The following NPAS1 variants were observed in gnomAD, a reference collection of about 807,000 sequenced individuals.
NPAS1 encodes neuronal PAS domain-containing protein 1.
NPAS1 carries 29 observed loss-of-function variants against 49.2 expected under a neutral mutation model. The ratio of observed to expected loss-of-function variants is 0.59; its 90% CI spans 0.44 to 0.80. NPAS1 has a LOEUF of 0.80. NPAS1 is among the 30% of genes least tolerant of loss of function. The pLI, the probability that NPAS1 is intolerant of heterozygous loss-of-function variation, is 0.00. For missense variants in NPAS1, 825 were observed against 835.5 expected (o/e 0.99, Z 0.15); for synonymous variants, 408 against 380.4 (o/e 1.07, Z -0.84).
chr19:47,021,575 G>GGGCCCCGC lies in NPAS1; in HGVS notation c.123-36_123-29dup. 7.2e-7 allele frequency: 1 copy of GGGCCCCGC among 1,387,058 alleles called. No homozygotes were observed. Among genetic ancestry groups the GGGCCCCGC allele is most frequent in the Non-Finnish European group, 9.4e-7 (1 of 1,058,358 alleles). 85.9% of individuals were successfully genotyped at this position (1,387,058 alleles called of 1,614,324 possible). A position where few individuals can be genotyped will look rare whatever the true frequency, so the allele number is the denominator to read the frequency against. Reference sequence around the variant, plus strand: ...CCAGTTCCCAAGCCCCTGAGCCCCGGGGCCCCGCCGACACCTCCTCCGCGC... The same window carrying GGGCCCCGC: ...CCAGTTCCCAAGCCCCTGAGCCCCGGGGCCCCGCGGCCCCGCCGACACCTCCTCCGCGC... On this transcript the variant is annotated intron_variant, in intron 2 of 11. Coordinates refer to ENST00000602212, the MANE Select transcript of NPAS1 (RefSeq NM_002517.4). The surrounding 1 kb of genome is among the most constrained non-coding windows in gnomAD (Gnocchi z 5.7).
chr19:47,045,044 AACAAAAACAAAAC>A, intron 11 of NPAS1, 134 bp from the exon 12 acceptor site: 1 of 839,520 alleles, frequency 1.2e-6, no homozygotes, highest in Non-Finnish European at 1.8e-6. Context: ...AAAAACAAAA[AACAAAAACAAAAC>A]AAACAAACAA....
Position 47,042,991 on chromosome 19 carries a change from T to C in NPAS1, c.1312+87T>C, listed in dbSNP as rs1021876488. On this transcript the variant is annotated intron_variant, in intron 11 of 11. Coordinates refer to ENST00000602212, the MANE Select transcript of NPAS1 (RefSeq NM_002517.4). ...TCCATTCCAGAAGCCACTAGCCACA[T>C]GCAGCCATTTATATACAATTAAAAT... 22 of 994,194 alleles carry C rather than the reference T, an allele frequency of 2.2e-5. No homozygotes were observed. The African/African-American group carries it at 2.9e-4, about 13-fold the overall frequency. 61.6% of individuals were successfully genotyped at this position (994,194 alleles called of 1,614,324 possible). A position where few individuals can be genotyped will look rare whatever the true frequency, so the allele number is the denominator to read the frequency against.
intron 6 of NPAS1, among the ~76,000 whole-genome samples, chr19:47,037,500 G>C (rs184796469): frequency 6.6e-5 from 10 of 152,118 alleles, no homozygotes; most frequent in African/African-American, 2.4e-4. Context: ...TGATTGAGTT[G>C]GATTCTAGCC....
intron 8 of NPAS1, among the ~76,000 whole-genome samples, chr19:47,039,949 C>T (rs1351784049): frequency 6.6e-6 from 1 of 152,168 alleles, no homozygotes; most frequent in East Asian, 1.9e-4. Context: ...TCTGAGGTGT[C>T]CAGGGTGCCT....
chr19:47,040,753 GGGGGCTGT>G, intron 9 of NPAS1: 1 of 598,082 alleles, frequency 1.7e-6, no homozygotes, highest in Non-Finnish European at 2.9e-6. Flanking sequence ...GGGGGGTCTG[GGGGGCTGT>G]GGGGTCTCCA....
intron 5 of NPAS1, among the ~76,000 whole-genome samples, chr19:47,035,064 C>T (rs2056938469): frequency 6.6e-6 from 1 of 152,018 alleles, no homozygotes; most frequent in South Asian, 2.1e-4. Context: ...GCCTGTAATC[C>T]CAGCTTCTTG....
rs753780534 is a variant in NPAS1 at position 47,040,442 on chromosome 19, A to C, written c.963-2A>C. ...CCTCCCCTCTTCTCTGTCACCCCCC[A>C]GAGTCAGCGACCACATGGACCTGGG... On this transcript the variant is annotated splice_acceptor_variant, in intron 8 of 11. Transcript: ENST00000602212. LOFTEE classifies it high-confidence loss of function. The C allele has an allele frequency of 2.0e-5, 32 of 1,584,258 alleles. No homozygotes were observed. Among genetic ancestry groups the C allele is most frequent in the Non-Finnish European group, 2.4e-5 (28 of 1,165,124 alleles).
chr19:47,042,599 C>G (rs987824512), intron 10 of NPAS1, among the ~76,000 whole-genome samples: 1 of 152,318 alleles, frequency 6.6e-6, no homozygotes, highest in South Asian at 2.1e-4. Context: ...CACCGGCTAT[C>G]CAGGTCTGGC....
chr19:47,032,788 C>G (rs570244384), intron 5 of NPAS1, 56 bp downstream of exon 5: 2 of 1,226,834 alleles, frequency 1.6e-6, no homozygotes, highest in African/African-American at 3.0e-5. Flanking sequence ...CTTGCCAGGC[C>G]TATGCATATC....
At chr19:47,024,193 G>A (rs1157079213) in intron 3 of NPAS1, among the ~76,000 whole-genome samples, 1 of 152,096 alleles carries the variant, frequency 6.6e-6, no homozygotes, top group Non-Finnish European at 1.5e-5. Flanking sequence ...AGGATGAGGT[G>A]GGAGGACTGC....
intron 3 of NPAS1, among the ~76,000 whole-genome samples, chr19:47,024,867 T>C (rs534041340): frequency 6.7e-6 from 1 of 149,568 alleles, no homozygotes; most frequent in East Asian, 2.0e-4. Flanking sequence ...TGGAGTGCAG[T>C]GTTGCAATCT....
intron 11 of NPAS1, 103 bp downstream of exon 11, chr19:47,043,007 CAATTAA>C (rs1418029144): frequency 1.3e-5 from 11 of 876,646 alleles, no homozygotes; most frequent in African/African-American, 3.5e-5. Flanking sequence ...CATTTATATA[CAATTAA>C]AATTAAAATC....
chr19:47,036,003 C>A lies in NPAS1; in HGVS notation c.562C>A (p.Pro188Thr). The A allele has an allele frequency of 6.3e-7, 1 of 1,579,836 alleles. No homozygotes were observed. Among genetic ancestry groups the A allele is most frequent in the East Asian group, 2.3e-5 (1 of 44,378 alleles). Residue 188 changes from proline to threonine, a missense_variant, in exon 6 of 12, where the codon CCT (proline) becomes ACT (threonine). Coordinates refer to ENST00000602212, the MANE Select transcript of NPAS1 (RefSeq NM_002517.4). The part of the protein sequence containing the change: ...TGSSVFDYIH[P>T]GDHSEVLEQL... ...CAGCAGCGTCTTCGACTACATTCACCCTGGGGACCACTCAGAGGTGCTGGA... is the reference window on the plus strand; with the variant it reads ...CAGCAGCGTCTTCGACTACATTCACACTGGGGACCACTCAGAGGTGCTGGA...
Position 47,039,440 on chromosome 19 carries a change from G to A in NPAS1, c.838G>A (p.Ala280Thr), listed in dbSNP as rs746002730. ...CGTGACTGGGCGCCTTCGGGCCCAC[G>A]CCCTGGGCCTTGTGGCCCTCGGGCA... ...IHVTGRLRAHALGLVALGHTL... is the reference protein window; with the variant it reads ...IHVTGRLRAHTLGLVALGHTL... The change falls in exon 8 of 12, where the codon GCC (alanine) becomes ACC (threonine). Residue 280 changes from alanine (A) to threonine (T), a missense_variant. Transcript: ENST00000602212. 2.5e-5 allele frequency: 40 copies of A among 1,611,802 alleles called. No individual in the cohort carries two copies. The highest frequency in any genetic ancestry group is 2.8e-5 in the Non-Finnish European group (33 of 1,179,812).
chr19:47,039,592 G>C, intron 8 of NPAS1, 28 bp downstream of exon 8: 1 of 1,534,108 alleles, frequency 6.5e-7, no homozygotes, highest in Non-Finnish European at 8.8e-7. Context: ...TGTGGCGGGT[G>C]GATTGGGGGC....
intron 5 of NPAS1, among the ~76,000 whole-genome samples, chr19:47,034,067 G>A (rs2056928486): frequency 1.4e-5 from 2 of 141,070 alleles, no homozygotes; most frequent in Admixed American, 7.3e-5. Context: ...CACTTTGGGA[G>A]GCCGAGGCAG....
At chr19:47,040,841 C>G in intron 9 of NPAS1, 137 bp from the exon 10 acceptor site, 1 of 750,506 alleles carries the variant, frequency 1.3e-6, no homozygotes, top group Non-Finnish European at 2.1e-6. Flanking sequence ...GTGCTTTCAC[C>G]TTTTTCTCTT....
chr19:47,026,975 G>T (rs1256886012), intron 3 of NPAS1, among the ~76,000 whole-genome samples: 1 of 151,658 alleles, frequency 6.6e-6, no homozygotes, highest in East Asian at 1.9e-4. Flanking sequence ...AAGAGAGAGA[G>T]AGAATGGTGG....
intron 3 of NPAS1, among the ~76,000 whole-genome samples, chr19:47,023,798 C>T (rs1233723544): frequency 2.0e-5 from 3 of 151,924 alleles, no homozygotes; most frequent in East Asian, 1.9e-4. Flanking sequence ...TATAACAAAA[C>T]CATGTCCCTA....
Sources: allele counts gnomAD v4.1 joint callset (sites outside exome capture counted in the v4.1 genomes callset), GRCh38; gene constraint gnomAD v4.1.1; non-coding constraint Gnocchi (gnomAD v3.1); transcripts MANE v1.5; gene names NCBI Gene and HGNC (gene_info 2026-07-23, HGNC 2026-07-21).